Variants in TRDN observed in about 807,000 individuals in gnomAD.
The protein encoded by TRDN is triadin, also known as triadin in skeletal muscle.
In TRDN, 161 loss-of-function variants were observed where a neutral mutation model predicts 149.7. That is an observed-to-expected ratio of 1.08 (90% confidence interval 0.95 to 1.23). TRDN has a LOEUF of 1.23. TRDN is among the 50% of genes most tolerant of loss of function. TRDN has a pLI of 0.00. For missense variants in TRDN, 896 were observed against 823.5 expected, an observed-to-expected ratio of 1.09 and a Z score of -1.08; for synonymous variants, 294 against 250.5, an observed-to-expected ratio of 1.17 and a Z score of -1.64.
At chr6:123,583,257 C>T (rs188158335) in intron 1 of TRDN, among the ~76,000 whole-genome samples, 23 of 152,070 alleles carry the variant, frequency 1.5e-4, no homozygotes, top group East Asian at 5.8e-4. Flanking sequence ...TAGTTGAGAA[C>T]GGTGAATAGG....
intron 1 of TRDN, among the ~76,000 whole-genome samples, chr6:123,573,740 A>G (rs928518183): frequency 2.6e-5 from 4 of 152,076 alleles, no homozygotes; most frequent in African/African-American, 7.2e-5. Flanking sequence ...AAGATGATCT[A>G]TGGCAAATAG....
At chr6:123,352,409 T>C (rs558342067) in intron 21 of TRDN, 130 bp downstream of exon 21, 1 of 1,416,244 alleles carries the variant, frequency 7.1e-7, no homozygotes, top group Non-Finnish European at 9.2e-7. Flanking sequence ...CAGAAAAACA[T>C]GCAAGGACAG....
rs1004373300 is a variant in TRDN at position 123,634,571 on chromosome 6, G to A, written c.22+2183C>T. ...AAGGTATACCTTTTATAAAAGACTGGAGGAAGACAATTGTAGCTAGGGCAC... is the reference window on the plus strand; with the variant it reads ...AAGGTATACCTTTTATAAAAGACTGAAGGAAGACAATTGTAGCTAGGGCAC... On this transcript the variant is annotated intron_variant, in intron 1 of 40. Transcript: ENST00000334268. Among the ~76,000 whole-genome samples the A allele has an allele frequency of 9.2e-5, 14 of 152,074 alleles. No individual in the cohort carries two copies. The East Asian group carries it at 2.5e-3, about 27-fold the overall frequency.
chr6:123,539,160 A>G (rs759972170), intron 4 of TRDN, among the ~76,000 whole-genome samples: 2 of 152,222 alleles, frequency 1.3e-5, no homozygotes, highest in Non-Finnish European at 2.9e-5. Flanking sequence ...TACAATTTAA[A>G]TAAACTCTCA....
Position 123,626,992 on chromosome 6 carries a change from G to A in TRDN, c.22+9762C>T, listed in dbSNP as rs868125628. Among the ~76,000 whole-genome samples the A allele has an allele frequency of 4.0e-5, 6 of 151,572 alleles. No individual in the cohort carries two copies. In the South Asian group the frequency reaches 6.3e-4, roughly 16 times the overall value. On this transcript the variant is annotated intron_variant, in intron 1 of 40. Coordinates refer to ENST00000334268, the MANE Select transcript of TRDN (RefSeq NM_006073.4). ...TCCCCAGGCTGGAGTGCAGTGGCAC[G>A]ATCTCGGCTCACTGCAGCCTCCACC... is the stretch of plus-strand genomic sequence containing the variant.
At chr6:123,377,127 C>T (rs184778465) in intron 18 of TRDN, among the ~76,000 whole-genome samples, 2 of 152,160 alleles carry the variant, frequency 1.3e-5, no homozygotes, top group East Asian at 3.9e-4. Flanking sequence ...AGTTGTTTGA[C>T]TCTCAATCAG....
intron 12 of TRDN, among the ~76,000 whole-genome samples, chr6:123,418,980 T>A (rs2114535566): frequency 6.6e-6 from 1 of 152,168 alleles, no homozygotes; most frequent in Non-Finnish European, 1.5e-5. Context: ...GAAGAGAGAT[T>A]CTGGTATTCT....
intron 1 of TRDN, among the ~76,000 whole-genome samples, chr6:123,576,511 A>C (rs1185552169): frequency 6.6e-6 from 1 of 151,828 alleles, no homozygotes; most frequent in Non-Finnish European, 1.5e-5. Context: ...TTTTAACATT[A>C]TCTGGCACTC....
chr6:123,386,749 C>G (rs1361900570), intron 14 of TRDN, among the ~76,000 whole-genome samples: 1 of 152,158 alleles, frequency 6.6e-6, no homozygotes, highest in Non-Finnish European at 1.5e-5. Flanking sequence ...AGCTCCTCAG[C>G]AATGACGTGT....
intron 24 of TRDN, among the ~76,000 whole-genome samples, chr6:123,290,421 A>G (rs967994921): frequency 6.6e-6 from 1 of 152,148 alleles, no homozygotes; most frequent in African/African-American, 2.4e-5. Flanking sequence ...GACTAGTCAA[A>G]GCTTACTAGT....
At chr6:123,301,481 G>A (rs973197903) in intron 24 of TRDN, among the ~76,000 whole-genome samples, 11 of 151,350 alleles carry the variant, frequency 7.3e-5, no homozygotes, top group African/African-American at 2.7e-4. Context: ...TGTAGCTTGG[G>A]CAAAATAATG....
At chr6:123,598,451 C>T (rs1784138449) in intron 1 of TRDN, among the ~76,000 whole-genome samples, 1 of 151,916 alleles carries the variant, frequency 6.6e-6, no homozygotes, top group Non-Finnish European at 1.5e-5. Flanking sequence ...TTTAAGAAAC[C>T]CTAGCTCCCA....
chr6:123,380,985 G>A (rs928305105), intron 16 of TRDN, among the ~76,000 whole-genome samples: 1 of 151,900 alleles, frequency 6.6e-6, no homozygotes, highest in Non-Finnish European at 1.5e-5. Flanking sequence ...AAGAAAGATA[G>A]GAAAAAAGTT....
At chr6:123,588,651 G>C (rs1022648721) in intron 1 of TRDN, among the ~76,000 whole-genome samples, 16 of 152,256 alleles carry the variant, frequency 1.1e-4, no homozygotes, top group African/African-American at 3.4e-4. Context: ...TTAAACAGGA[G>C]ACATTTACTT....
At chr6:123,614,414 GA>G (rs1784983234) in intron 1 of TRDN, among the ~76,000 whole-genome samples, 1 of 148,454 alleles carries the variant, frequency 6.7e-6, no homozygotes, top group African/African-American at 2.5e-5. Context: ...TTCTAGAATA[GA>G]AATATTAAAA....
At chr6:123,376,164 T>C (rs2114396688) in intron 18 of TRDN, among the ~76,000 whole-genome samples, 1 of 152,302 alleles carries the variant, frequency 6.6e-6, no homozygotes, top group South Asian at 2.1e-4. Flanking sequence ...TTAAAACTTT[T>C]AAAACTGGCT....
chr6:123,258,913 G>T (rs1027574260), intron 35 of TRDN, among the ~76,000 whole-genome samples: 2 of 152,110 alleles, frequency 1.3e-5, no homozygotes, highest in Non-Finnish European at 2.9e-5. Context: ...AGATTTTCTA[G>T]TTTATTTACA....
chr6:123,598,322 G>C (rs915201909), intron 1 of TRDN, among the ~76,000 whole-genome samples: 1 of 152,054 alleles, frequency 6.6e-6, no homozygotes, highest in Non-Finnish European at 1.5e-5. Flanking sequence ...GCTATCGTGA[G>C]GTTGAAGCAA....
At chr6:123,367,242 C>G (rs917979391) in intron 19 of TRDN, among the ~76,000 whole-genome samples, 1 of 152,010 alleles carries the variant, frequency 6.6e-6, no homozygotes, top group African/African-American at 2.4e-5. Flanking sequence ...TGAATTTTCA[C>G]GAAGTCTTAT....
Sources: allele counts gnomAD v4.1 joint callset (sites outside exome capture counted in the v4.1 genomes callset), GRCh38; gene constraint gnomAD v4.1.1; transcripts MANE v1.5; gene names NCBI Gene and HGNC (gene_info 2026-07-23, HGNC 2026-07-21).